The following GRAMD2B variants were observed in gnomAD, a reference collection of about 807,000 sequenced individuals.
GRAMD2B encodes the protein GRAM domain containing 2B.
A neutral mutation model predicts 59.2 loss-of-function variants in GRAMD2B; 41 were observed. The observed-to-expected ratio is 0.69, with a 90% CI of 0.54 to 0.90. The LOEUF (loss-of-function observed/expected upper bound fraction) is 0.90. Ranked by LOEUF, GRAMD2B falls within the 40% of genes least tolerant of loss-of-function variation. The pLI is 0.00. For synonymous variants in GRAMD2B, 161 were observed against 182.7 expected (o/e 0.88, Z 0.96); for missense variants, 424 against 500.5 (o/e 0.85, Z 1.46).
chr5:126,421,943 C>T (rs1410967730), upstream of GRAMD2B, among the ~76,000 whole-genome samples: 1 of 152,108 alleles, frequency 6.6e-6, no homozygotes, highest in Non-Finnish European at 1.5e-5. Flanking sequence ...CGTTTTTTCC[C>T]AGGCATGTCA....
rs115041120 is a variant in GRAMD2B, at chr5:126,382,744, C to T, written c.125+11177C>T. Among the ~76,000 whole-genome samples the T allele has an allele frequency of 5.6e-3, 856 of 152,172 alleles. 13 individuals carry two copies. The highest frequency in any genetic ancestry group is 0.02 in the African/African-American group (819 of 41,510). On this transcript the variant is annotated intron_variant, in intron 1 of 8. Coordinates refer to the GRAMD2B transcript ENST00000506445. ...TCCATTGCTGGTAAGCTAATATGAT[C>T]TTTTGGGGGTGTTAAAAAATCTTGT...
chr5:126,446,851 T>A (rs1561534809), intron 1 of GRAMD2B, among the ~76,000 whole-genome samples: 1 of 152,154 alleles, frequency 6.6e-6, no homozygotes, highest in East Asian at 1.9e-4. Flanking sequence ...ATTCTTCTCC[T>A]GGAAACTTCT....
intron 1 of GRAMD2B, among the ~76,000 whole-genome samples, chr5:126,404,579 G>T (rs930167311): frequency 9.2e-5 from 14 of 151,890 alleles, no homozygotes; most frequent in Non-Finnish European, 1.5e-5. Context: ...CAACAATCAG[G>T]ATCCTCAAGA....
Position 126,486,889 on chromosome 5 carries a change from A to C in GRAMD2B, c.1075A>C (p.Ile359Leu). 1 of 1,610,804 alleles carries C rather than the reference A, an allele frequency of 6.2e-7. No individual in the cohort carries two copies. Among genetic ancestry groups the C allele is most frequent in the South Asian group, 1.1e-5 (1 of 91,008 alleles). The part of the protein sequence containing the change: ...FYAIVVCALI[I>L]STFYMRYRIN... Reference sequence around the variant, plus strand: ...CGTTTCCAGTGTCTGTGCACTAATCATCTCGACCTTCTACATGAGATACAG... The same window carrying C: ...CGTTTCCAGTGTCTGTGCACTAATCCTCTCGACCTTCTACATGAGATACAG... The change falls in exon 12 of 14, where the codon ATC becomes CTC. Residue 359 changes from isoleucine to leucine, a missense_variant. Ile to Leu is a conservative substitution (Grantham distance 5). Coordinates refer to ENST00000285689, the MANE Select transcript of GRAMD2B (RefSeq NM_023927.4).
At chr5:126,437,358 C>G (rs1174491500) in intron 1 of GRAMD2B, among the ~76,000 whole-genome samples, 1 of 152,136 alleles carries the variant, frequency 6.6e-6, no homozygotes, top group South Asian at 2.1e-4. Context: ...TTTTTCTCTT[C>G]AGAAAGGCTG....
chr5:126,488,816 G>T lies in GRAMD2B; in HGVS notation c.1181G>T (p.Gly394Val), dbSNP rs755564187. 14 of 1,613,206 alleles carry T rather than the reference G, an allele frequency of 8.7e-6. No homozygotes were observed. The East Asian group carries it at 8.9e-5, about 10-fold the overall frequency. Residue 394 changes from glycine (G) to valine (V), a missense_variant, in exon 13 of 14, where the codon GGC becomes GTC. Gly to Val is a moderately radical substitution (Grantham distance 109). Transcript: ENST00000285689. ...TCTTACAGACAGGCAGCACCATCTGGCCTGAGGTCACAAGTACAATTCAAT... is the reference window on the plus strand; with the variant it reads ...TCTTACAGACAGGCAGCACCATCTGTCCTGAGGTCACAAGTACAATTCAAT... ...THNTEQAAPS[G>V]LRSQVQFNVE...
intron 1 of GRAMD2B, among the ~76,000 whole-genome samples, chr5:126,364,606 C>T (rs1251833611): frequency 6.6e-6 from 1 of 152,174 alleles, no homozygotes; most frequent in Non-Finnish European, 1.5e-5. Context: ...ATCTAGATTA[C>T]CAGGTCAGGA....
chr5:126,438,667 C>T (rs1281837563), intron 1 of GRAMD2B, among the ~76,000 whole-genome samples: 1 of 152,048 alleles, frequency 6.6e-6, no homozygotes, highest in Admixed American at 6.6e-5. Flanking sequence ...AGGACTGATC[C>T]ACAATAAAGA....
chr5:126,371,723 G>A (rs185238136), intron 1 of GRAMD2B, among the ~76,000 whole-genome samples: 3 of 152,338 alleles, frequency 2.0e-5, no homozygotes, highest in Admixed American at 6.5e-5. Flanking sequence ...CAGTGGATTC[G>A]AAGGGGGTAT....
chr5:126,415,849 A>G lies in GRAMD2B; in HGVS notation c.125+44282A>G, dbSNP rs181081954. On this transcript the variant is annotated intron_variant, in intron 1 of 8. Transcript: ENST00000506445. The stretch of plus-strand genomic sequence containing the variant: ...AAAAGAAAATATATTTAAAAAGACG[A>G]AAAGTCAGAATAAGCAATAAAAAGT... Among the ~76,000 whole-genome samples the G allele has an allele frequency of 3.9e-5, 6 of 152,354 alleles. No homozygotes were observed. The East Asian group carries it at 1.2e-3, about 29-fold the overall frequency.
chr5:126,411,153 G>A (rs972659631), intron 1 of GRAMD2B, among the ~76,000 whole-genome samples: 1 of 152,094 alleles, frequency 6.6e-6, no homozygotes, highest in East Asian at 1.9e-4. Flanking sequence ...AGTTGCTTTT[G>A]AGGATAATCA....
chr5:126,447,861 AT>A lies in GRAMD2B; in HGVS notation c.84-17551del, dbSNP rs917771804. On this transcript the variant is annotated intron_variant, in intron 1 of 13. Transcript: ENST00000285689. ...ACAAGTAAACAGTAGCCCATTTATA[AT>A]TTTTTTTTTTTTTAAAAAATAGTCT... 1.0e-3 allele frequency among the ~76,000 whole-genome samples: 138 copies of A among 135,444 alleles called. 2 individuals are homozygous for A. The highest frequency in any genetic ancestry group is 1.4e-3 in the East Asian group (7 of 4,898). 88.9% of individuals were successfully genotyped at this position (135,444 alleles called of 152,430 possible). A position where few individuals can be genotyped will look rare whatever the true frequency, so the allele number is the denominator to read the frequency against.
intron 1 of GRAMD2B, among the ~76,000 whole-genome samples, chr5:126,441,132 G>A (rs1011036618): frequency 6.6e-6 from 1 of 151,902 alleles, no homozygotes; most frequent in African/African-American, 2.4e-5. Flanking sequence ...TATTATGGCA[G>A]AGGAAAAAAT....
upstream of GRAMD2B, among the ~76,000 whole-genome samples, chr5:126,367,909 G>A (rs1754540049): frequency 1.3e-5 from 2 of 151,934 alleles, no homozygotes; most frequent in Non-Finnish European, 1.5e-5. Context: ...CCGCCACCAC[G>A]CCCGGCTAAT....
At chr5:126,489,563 T>TGA (rs1773558977) in intron 13 of GRAMD2B, among the ~76,000 whole-genome samples, 1 of 152,212 alleles carries the variant, frequency 6.6e-6, no homozygotes, top group Non-Finnish European at 1.5e-5. Context: ...GCTTTAGGCT[T>TGA]TGTTGATAAG....
intron 1 of GRAMD2B, among the ~76,000 whole-genome samples, chr5:126,380,316 G>A (rs1317894246): frequency 1.3e-5 from 2 of 152,062 alleles, no homozygotes; most frequent in African/African-American, 2.4e-5. Context: ...ATGGCTTATG[G>A]TATAGTTTGA....
chr5:126,405,469 G>T (rs1321376648), intron 1 of GRAMD2B, among the ~76,000 whole-genome samples: 1 of 151,898 alleles, frequency 6.6e-6, no homozygotes, highest in African/African-American at 2.4e-5. Context: ...TCACAGAGTT[G>T]TAAAGATTAA....
intron 5 of GRAMD2B, among the ~76,000 whole-genome samples, chr5:126,476,142 G>A (rs957791692): frequency 4.6e-5 from 7 of 150,598 alleles, no homozygotes; most frequent in East Asian, 3.9e-4. Flanking sequence ...GTGTGGTGGC[G>A]CATGCCTGTA....
chr5:126,385,800 G>A (rs1321195819), intron 1 of GRAMD2B, among the ~76,000 whole-genome samples: 1 of 152,134 alleles, frequency 6.6e-6, no homozygotes, highest in Non-Finnish European at 1.5e-5. Context: ...GCAATGGGGG[G>A]TGCAACCCAG....
Sources: gnomAD v4.1 joint callset for allele counts (sites outside exome capture counted in the v4.1 genomes callset) on GRCh38, gnomAD v4.1.1 for gene constraint, MANE v1.5 for transcripts, NCBI Gene and HGNC (gene_info 2026-07-23, HGNC 2026-07-21) for gene names.